MECR: variants seen among roughly 807,000 people sequenced by gnomAD.
MECR encodes enoyl-[acyl-carrier-protein] reductase, mitochondrial.
Under a neutral mutation model 49.1 loss-of-function variants are expected in MECR, and 37 were observed. The ratio of observed to expected loss-of-function variants is 0.75; its 90% CI spans 0.58 to 0.99. The LOEUF (loss-of-function observed/expected upper bound fraction) is 0.99. MECR is among the 50% of genes least tolerant of loss of function. The pLI, the probability that MECR is intolerant of heterozygous loss-of-function variation, is 0.00. For synonymous variants in MECR, 198 were observed against 191.1 expected (o/e 1.04, Z -0.30); for missense variants, 470 against 479.6 (o/e 0.98, Z 0.19).
In MECR at chr1:29,203,124, C is replaced by A. The variant is rs1169325101; in HGVS notation, c.653+7G>T. The A allele has an allele frequency of 6.4e-7, 1 of 1,563,802 alleles. No individual in the cohort carries two copies. The highest frequency in any genetic ancestry group is 8.7e-7 in the Non-Finnish European group (1 of 1,151,202). The stretch of plus-strand genomic sequence containing the variant: ...TGGTCTGGGATGAAGCCTCCTTCCC[C>A]ACGCACCTGTCTCGGACCACATTGA... On this transcript the variant is annotated splice_region_variant and intron_variant, in intron 5 of 9. Transcript: ENST00000263702.
At chr1:29,181,679 T>C in the MECR span, 1 of 1,597,682 alleles carries the variant, frequency 6.3e-7, no homozygotes, top group Non-Finnish European at 8.5e-7. Context: ...GATCTTCCCG[T>C]AGCCCTTAAA....
chr1:29,206,507 G>T (rs745588574), intron 4 of MECR, among the ~76,000 whole-genome samples: 4 of 152,176 alleles, frequency 2.6e-5, no homozygotes, highest in Admixed American at 6.5e-5. Flanking sequence ...CTGAATGACA[G>T]AATTCAATCC....
At chr1:29,216,893 G>C (rs1385723926) in intron 1 of MECR, 1 of 1,193,162 alleles carries the variant, frequency 8.4e-7, no homozygotes. Context: ...CCAGCACTTT[G>C]GAAGGCCGAG....
At chr1:29,173,593 C>G in the MECR span, 1 of 145,718 alleles carries the variant, frequency 6.9e-6, no homozygotes, top group Non-Finnish European at 1.5e-5. Context: ...GGGATTACAG[C>G]AAGTGCCACC....
chr1:29,196,112 C>G, intron 8 of MECR, 86 bp downstream of exon 8: 1 of 1,601,372 alleles, frequency 6.2e-7, no homozygotes, highest in Non-Finnish European at 8.6e-7. Flanking sequence ...ATTGCCTAAG[C>G]TTAGACAGCT....
chr1:29,215,976 A>G, intron 3 of MECR, 29 bp downstream of exon 3: 1 of 1,612,676 alleles, frequency 6.2e-7, no homozygotes, highest in Non-Finnish European at 8.5e-7. Flanking sequence ...GGAAGAACGA[A>G]TAGGCAGCTG....
In MECR at chr1:29,194,147, C is replaced by T. The variant is rs1473634904; in HGVS notation, c.997G>A (p.Asp333Asn). 7.4e-6 allele frequency: 12 copies of T among 1,613,144 alleles called. No individual in the cohort carries two copies. The highest frequency in any genetic ancestry group is 3.3e-5 in the South Asian group (3 of 90,980). The change falls in exon 10 of 10, where the codon GAT becomes AAT. Residue 333 changes from aspartate (D) to asparagine (N), a missense_variant. Coordinates refer to ENST00000263702, the MANE Select transcript of MECR (RefSeq NM_016011.5). ...GTGAGCTGGCCTCGGCGGATGAGAT[C>T]GCACAGTGTGAGGATCAGCTCCTTG... is the stretch of plus-strand genomic sequence containing the variant. ...QFKELILTLC[D>N]LIRRGQLTAP...
chr1:29,177,673 C>T, the MECR span, among the ~76,000 whole-genome samples: 1 of 152,026 alleles, frequency 6.6e-6, no homozygotes, highest in Non-Finnish European at 1.5e-5. Flanking sequence ...GGGAGATCTT[C>T]GTTGTATTTG....
chr1:29,213,408 T>G (rs1223283923), intron 3 of MECR, among the ~76,000 whole-genome samples: 5 of 152,164 alleles, frequency 3.3e-5, no homozygotes, highest in Non-Finnish European at 7.4e-5. Flanking sequence ...ACTGTTTTTT[T>G]TTTTCCTGCC....
In MECR at chr1:29,207,841, AGTTAAT is replaced by A. The variant is rs1418437657; in HGVS notation, c.407-942_407-937del. Among the ~76,000 whole-genome samples the A allele has an allele frequency of 5.9e-5, 9 of 152,322 alleles. No homozygotes were observed. In the South Asian group the frequency reaches 6.2e-4, roughly 11 times the overall value. The stretch of plus-strand genomic sequence containing the variant: ...GCTTCTCTGAGTTACCATTAGATTT[AGTTAAT>A]GTCACCGTGCAGGTAGTTAATGACC... On this transcript the variant is annotated intron_variant, in intron 3 of 9. Transcript: ENST00000263702.
At chr1:29,219,633 G>A (rs971273390) in intron 1 of MECR, among the ~76,000 whole-genome samples, 1 of 152,038 alleles carries the variant, frequency 6.6e-6, no homozygotes, top group Non-Finnish European at 1.5e-5. Flanking sequence ...TTTGTCAATT[G>A]ATCAGGACAA....
chr1:29,206,933 T>C (rs1676745456), intron 3 of MECR, 28 bp from the exon 4 acceptor site: 2 of 1,613,076 alleles, frequency 1.2e-6, no homozygotes, highest in Admixed American at 1.7e-5. Context: ...GCCAGGATCA[T>C]AAGGAAGGAG....
intron 5 of MECR, 54 bp downstream of exon 5, chr1:29,203,077 G>A: frequency 1.4e-6 from 2 of 1,428,558 alleles, no homozygotes; most frequent in Non-Finnish European, 1.9e-6. Flanking sequence ...GCAGGGATGG[G>A]AGGTGGGAAA....
chr1:29,224,892 GA>G (rs1681666612), intron 1 of MECR: 1 of 152,244 alleles, frequency 6.6e-6, no homozygotes, highest in African/African-American at 2.4e-5. Context: ...CCCAGGGTGG[GA>G]AAGGCCAGTT....
chr1:29,177,607 G>C, the MECR span, among the ~76,000 whole-genome samples: 1 of 151,890 alleles, frequency 6.6e-6, no homozygotes, highest in Admixed American at 6.6e-5. Context: ...GAAGTTTATG[G>C]GGCGGGTAGA....
At chr1:29,198,345 G>T (rs1027361063) in intron 7 of MECR, among the ~76,000 whole-genome samples, 8 of 152,240 alleles carry the variant, frequency 5.3e-5, no homozygotes, top group African/African-American at 1.7e-4. Context: ...TGAAGAGACG[G>T]AGGCCTGGAT....
intron 1 of MECR, among the ~76,000 whole-genome samples, chr1:29,220,562 G>T (rs966498734): frequency 3.9e-5 from 6 of 152,214 alleles, no homozygotes; most frequent in Non-Finnish European, 2.9e-5. Context: ...AGAGCATTCA[G>T]TCTAGGCATA....
At chr1:29,207,568 T>G (rs1676925130) in intron 3 of MECR, among the ~76,000 whole-genome samples, 1 of 149,776 alleles carries the variant, frequency 6.7e-6, no homozygotes, top group Non-Finnish European at 1.5e-5. Flanking sequence ...AGTGAGACCT[T>G]GTCTCTACAG....
At chr1:29,206,332 C>T (rs974708056) in intron 4 of MECR, among the ~76,000 whole-genome samples, 4 of 152,218 alleles carry the variant, frequency 2.6e-5, no homozygotes, top group African/African-American at 4.8e-5. Flanking sequence ...ATGCACTCAA[C>T]GGGGATAATG....
Sources: gnomAD v4.1 joint callset for allele counts (sites outside exome capture counted in the v4.1 genomes callset) on GRCh38, gnomAD v4.1.1 for gene constraint, MANE v1.5 for transcripts, NCBI Gene and HGNC (gene_info 2026-07-23, HGNC 2026-07-21) for gene names.